The following CSTPP1 variants were observed in gnomAD, a reference collection of about 807,000 sequenced individuals.
CSTPP1 encodes centriolar satellite-associated tubulin polyglutamylase complex regulator 1, also known as UPF0705 protein C11orf49.
At chr11:47,060,739 G>A in the CSTPP1 span, among the ~76,000 whole-genome samples, 2 of 152,078 alleles carry the variant, frequency 1.3e-5, no homozygotes, top group African/African-American at 4.8e-5. Context: ...CTCACAAATC[G>A]CCACTAAAGA....
At chr11:46,953,686 A>G in the CSTPP1 span, among the ~76,000 whole-genome samples, 1 of 152,222 alleles carries the variant, frequency 6.6e-6, no homozygotes, top group Non-Finnish European at 1.5e-5. Flanking sequence ...TCATTATTAC[A>G]TGTAATATTG....
chr11:47,164,145 C>T, the CSTPP1 span: 2 of 1,613,946 alleles, frequency 1.2e-6, no homozygotes, highest in South Asian at 2.2e-5. Context: ...AGCCAAGGAG[C>T]CAGGGGCCTT....
the CSTPP1 span, among the ~76,000 whole-genome samples, chr11:47,098,304 A>G: frequency 6.7e-6 from 1 of 149,230 alleles, no homozygotes; most frequent in East Asian, 1.9e-4. Flanking sequence ...AATTATCAAT[A>G]AAAAAATAAA....
the CSTPP1 span, among the ~76,000 whole-genome samples, chr11:47,020,643 CAGA>C: frequency 6.6e-6 from 1 of 152,084 alleles, no homozygotes; most frequent in South Asian, 2.1e-4. Context: ...TTTGGGGATT[CAGA>C]ATTTAGTCAT....
the CSTPP1 span, among the ~76,000 whole-genome samples, chr11:47,106,536 G>A: frequency 3.9e-5 from 6 of 152,060 alleles, 1 homozygote; most frequent in South Asian, 1.0e-3. Context: ...CCAGGTACAC[G>A]GGAAGCTGAG....
the CSTPP1 span, among the ~76,000 whole-genome samples, chr11:47,076,392 A>C: frequency 6.6e-6 from 1 of 152,308 alleles, no homozygotes; most frequent in South Asian, 2.1e-4. Flanking sequence ...CCGCCCATTC[A>C]TTCTACAGTG....
At chr11:46,939,654 A>C in the CSTPP1 span, among the ~76,000 whole-genome samples, 1 of 134,308 alleles carries the variant, frequency 7.4e-6, no homozygotes, top group Non-Finnish European at 1.7e-5. Flanking sequence ...ATAGATAGAT[A>C]GATAGATAGA....
chr11:47,144,264 C>A, the CSTPP1 span, among the ~76,000 whole-genome samples: 1 of 152,256 alleles, frequency 6.6e-6, no homozygotes, highest in East Asian at 1.9e-4. Context: ...TCTTAGCTCG[C>A]TGCAACCTCC....
At chr11:47,032,637 C>T in the CSTPP1 span, among the ~76,000 whole-genome samples, 31 of 152,206 alleles carry the variant, frequency 2.0e-4, no homozygotes, top group East Asian at 6.0e-3. Context: ...GTTTCTGGTT[C>T]TCTTGTGGCT....
the CSTPP1 span, among the ~76,000 whole-genome samples, chr11:47,022,443 C>G: frequency 1.6e-5 from 2 of 122,610 alleles, no homozygotes; most frequent in South Asian, 5.8e-4. Context: ...GATCTCGGTT[C>G]ACTGCAACCT....
At chr11:47,114,636 T>C in the CSTPP1 span, among the ~76,000 whole-genome samples, 2 of 152,214 alleles carry the variant, frequency 1.3e-5, no homozygotes, top group Non-Finnish European at 2.9e-5. Flanking sequence ...TCTGTTTGTC[T>C]GTTATTGGTG....
At chr11:46,987,369 C>A in the CSTPP1 span, 1 of 1,389,840 alleles carries the variant, frequency 7.2e-7, no homozygotes, top group Non-Finnish European at 1.0e-6. Flanking sequence ...TGGAAGCAGG[C>A]AGGATACTTG....
chr11:47,035,853 A>G, the CSTPP1 span, among the ~76,000 whole-genome samples: 1 of 151,434 alleles, frequency 6.6e-6, no homozygotes, highest in Non-Finnish European at 1.5e-5. Flanking sequence ...AATTTCTAAT[A>G]TATTTATTGA....
the CSTPP1 span, among the ~76,000 whole-genome samples, chr11:47,055,439 T>C: frequency 6.7e-6 from 1 of 149,702 alleles, no homozygotes; most frequent in Non-Finnish European, 1.5e-5. Context: ...TTTGAATTTA[T>C]GAGATTCCCC....
the CSTPP1 span, among the ~76,000 whole-genome samples, chr11:47,069,131 A>G: frequency 6.6e-6 from 1 of 152,208 alleles, no homozygotes; most frequent in South Asian, 2.1e-4. Context: ...TTTTATAGAA[A>G]CTTCTAAGTG....
chr11:46,938,211 CG>C, the CSTPP1 span, among the ~76,000 whole-genome samples: 1 of 151,884 alleles, frequency 6.6e-6, no homozygotes, highest in Non-Finnish European at 1.5e-5. Context: ...GCAGATAGTA[CG>C]GCGAGTTCCC....
At chr11:47,053,761 C>T in the CSTPP1 span, among the ~76,000 whole-genome samples, 1 of 147,792 alleles carries the variant, frequency 6.8e-6, no homozygotes, top group African/African-American at 2.5e-5. Flanking sequence ...GGACAACATA[C>T]TGAGACTTCG....
At chr11:47,012,797 C>T in the CSTPP1 span, among the ~76,000 whole-genome samples, 1 of 151,940 alleles carries the variant, frequency 6.6e-6, no homozygotes, top group Non-Finnish European at 1.5e-5. Flanking sequence ...GAGCCAGGAA[C>T]TGAGTCTTCT....
the CSTPP1 span, among the ~76,000 whole-genome samples, chr11:47,085,979 G>T: frequency 1.3e-5 from 2 of 148,554 alleles, no homozygotes; most frequent in East Asian, 3.9e-4. Flanking sequence ...GGGGATGGGG[G>T]TCGGGGATGG....
Sources: allele counts gnomAD v4.1 joint callset (sites outside exome capture counted in the v4.1 genomes callset), GRCh38; gene constraint gnomAD v4.1.1; transcripts MANE v1.5; gene names NCBI Gene and HGNC (gene_info 2026-07-23, HGNC 2026-07-21).